Variants in ECPAS observed in about 807,000 individuals in gnomAD.
ECPAS encodes the protein proteasome adapter and scaffold protein ECM29.
A neutral mutation model predicts 255.1 loss-of-function variants in ECPAS; 70 were observed. The observed-to-expected ratio is 0.27, with a 90% CI of 0.23 to 0.33. The LOEUF (loss-of-function observed/expected upper bound fraction) is 0.33. Ranked by LOEUF, ECPAS falls within the 10% of genes least tolerant of loss-of-function variation. The pLI is 1.00. For synonymous variants in ECPAS, 784 were observed against 775.0 expected (o/e 1.01, Z -0.19); for missense variants, 1,817 against 2,206.4 (o/e 0.82, Z 3.54).
chr9:111,394,342 A>G (rs749445058), intron 25 of ECPAS, 37 bp from the exon 26 acceptor site: 1 of 1,466,368 alleles, frequency 6.8e-7, no homozygotes, highest in South Asian at 1.5e-5. Flanking sequence ...AAGAATTAAA[A>G]TAACTCAACA....
At chr9:111,473,503 C>A (rs1010473477) in intron 1 of ECPAS, among the ~76,000 whole-genome samples, 1 of 152,128 alleles carries the variant, frequency 6.6e-6, no homozygotes, top group South Asian at 2.1e-4. Context: ...ATCTTCCTCT[C>A]GCTCTTAAAT....
At chr9:111,400,035 T>G (rs1219349884) in intron 24 of ECPAS, among the ~76,000 whole-genome samples, 3 of 152,112 alleles carry the variant, frequency 2.0e-5, no homozygotes, top group Admixed American at 1.3e-4. Flanking sequence ...TCCCCTAACT[T>G]CAGGCAGCTT....
intron 3 of ECPAS, 67 bp from the exon 4 acceptor site, chr9:111,444,561 C>A: frequency 1.9e-6 from 2 of 1,054,940 alleles, no homozygotes; most frequent in South Asian, 1.4e-5. Context: ...TCTTAAAATT[C>A]ATTTATCAGA....
chr9:111,369,411 T>C (rs1187323292), intron 45 of ECPAS, among the ~76,000 whole-genome samples: 1 of 152,206 alleles, frequency 6.6e-6, no homozygotes, highest in Non-Finnish European at 1.5e-5. Flanking sequence ...AAATACTGCA[T>C]ATGTAGTCTT....
intron 2 of ECPAS, among the ~76,000 whole-genome samples, chr9:111,466,207 G>C (rs948020117): frequency 7.2e-5 from 11 of 152,106 alleles, no homozygotes; most frequent in Admixed American, 2.0e-4. Flanking sequence ...CCAGCATTTT[G>C]GGAGGCCGAG....
intron 2 of ECPAS, among the ~76,000 whole-genome samples, chr9:111,453,055 T>C (rs1324110522): frequency 1.3e-5 from 2 of 151,826 alleles, no homozygotes; most frequent in Non-Finnish European, 2.9e-5. Flanking sequence ...ACCAGCCTGA[T>C]CAACACAGAG....
intron 11 of ECPAS, 38 bp downstream of exon 11, chr9:111,425,705 G>A: frequency 1.6e-6 from 2 of 1,226,294 alleles, no homozygotes; most frequent in Non-Finnish European, 2.4e-6. Flanking sequence ...CATTCCAGCA[G>A]CTTGAAAACT....
intron 23 of ECPAS, 45 bp downstream of exon 23, chr9:111,409,995 AG>A: frequency 6.9e-7 from 1 of 1,447,378 alleles, no homozygotes; most frequent in Non-Finnish European, 9.4e-7. Context: ...ATGTATGCAT[AG>A]AAAGACCGAA....
chr9:111,407,321 G>C (rs2098185637), intron 24 of ECPAS, among the ~76,000 whole-genome samples: 1 of 135,832 alleles, frequency 7.4e-6, no homozygotes. Flanking sequence ...AGAATCGCTT[G>C]AACCCGGGAG....
Position 111,391,792 on chromosome 9 carries a change from A to G in ECPAS, c.3125T>C (p.Val1042Ala), listed in dbSNP as rs1372227004. 6 of 1,609,542 alleles carry G rather than the reference A, an allele frequency of 3.7e-6. No homozygotes were observed. Among genetic ancestry groups the G allele is most frequent in the Non-Finnish European group, 5.1e-6 (6 of 1,177,220 alleles). The change falls in exon 29 of 50, where the codon GTA becomes GCA. Residue 1042 changes from valine to alanine, a missense_variant. Around this residue, in one of 4 missense-constraint regions of ECPAS, gnomAD observed 960 missense variants for 1,179.0 expected, o/e 0.81. Transcript: ENST00000684092. ...VKHEVSGETV[V>A]FQGGALGKTP... ...TTTGCCAAGAGCTCCCCCTTGAAAT[A>G]CCACTGTCTCTCCAGAAACTTCATG...
At chr9:111,414,069 G>T in intron 19 of ECPAS, 83 bp from the exon 20 acceptor site, 1 of 852,730 alleles carries the variant, frequency 1.2e-6, no homozygotes, top group Non-Finnish European at 1.8e-6. Context: ...AAAGTATAAG[G>T]CCACTGCTTT....
At position 111,437,128 on chromosome 9, in the gene ECPAS, T is replaced by C. The variant is rs1302604375; in HGVS notation, c.540-20A>G. The stretch of plus-strand genomic sequence containing the variant: ...ACGTAACTGGAAAGGAAATAACACT[T>C]TAACCCTCTATAAATACAAAAGCAT... On this transcript the variant is annotated intron_variant, in intron 6 of 49. Coordinates refer to ENST00000684092, the MANE Select transcript of ECPAS (RefSeq NM_001364929.1). 6.4e-6 allele frequency: 10 copies of C among 1,566,410 alleles called. No homozygotes were observed. The highest frequency in any genetic ancestry group is 8.6e-6 in the Non-Finnish European group (10 of 1,159,942).
At chr9:111,446,099 C>G (rs2131931538) in intron 3 of ECPAS, among the ~76,000 whole-genome samples, 1 of 152,230 alleles carries the variant, frequency 6.6e-6, no homozygotes, top group African/African-American at 2.4e-5. Context: ...TGGGTTGGTT[C>G]CAAGTCTTTG....
At position 111,386,753 on chromosome 9, in the gene ECPAS, C is replaced by G. The variant is rs554325535; in HGVS notation, c.3448-297G>C. On this transcript the variant is annotated intron_variant, in intron 31 of 49. Transcript: ENST00000684092. ...AAAGCCTTCCATGACTCATCCAGAC[C>G]CAAAAGTACCATATTCTGTCTCACC... Among the ~76,000 whole-genome samples, 3 of 152,310 alleles carry G rather than the reference C, an allele frequency of 2.0e-5. No homozygotes were observed. In the East Asian group the frequency reaches 5.8e-4, roughly 29 times the overall value.
intron 10 of ECPAS, among the ~76,000 whole-genome samples, chr9:111,426,396 T>G (rs1024080273): frequency 5.9e-5 from 9 of 151,922 alleles, no homozygotes; most frequent in Non-Finnish European, 2.9e-5. Flanking sequence ...CTCTATACTC[T>G]TGTTCCTAAA....
At chr9:111,468,628 T>TGAGAGAGAGAGAGA (rs199930694) in intron 2 of ECPAS, among the ~76,000 whole-genome samples, 1 of 139,966 alleles carries the variant, frequency 7.1e-6, no homozygotes, top group African/African-American at 2.6e-5. Flanking sequence ...AGAGAGTGAG[T>TGAGAGAGAGAGAGA]GAGAGAGAGA....
intron 1 of ECPAS, among the ~76,000 whole-genome samples, chr9:111,482,450 G>C (rs1302055081): frequency 6.6e-6 from 1 of 152,206 alleles, no homozygotes; most frequent in Non-Finnish European, 1.5e-5. Context: ...GTATATAAAA[G>C]TGGCTTTAAA....
chr9:111,436,927 C>G lies in ECPAS; in HGVS notation c.708+13G>C. Reference sequence around the variant, plus strand: ...ACAATCAACTACTATTATGAGCAAGCCTTGTGTGATACCTGTTCCAATTGT... The same window carrying G: ...ACAATCAACTACTATTATGAGCAAGGCTTGTGTGATACCTGTTCCAATTGT... On this transcript the variant is annotated intron_variant, in intron 7 of 49. Transcript: ENST00000684092. 1 of 1,588,280 alleles carries G rather than the reference C, an allele frequency of 6.3e-7. No individual in the cohort carries two copies. Among genetic ancestry groups the G allele is most frequent in the East Asian group, 2.3e-5 (1 of 43,938 alleles).
In ECPAS at chr9:111,376,466, A is replaced by C. The variant is rs1407795115; in HGVS notation, c.4020+10T>G. On this transcript the variant is annotated intron_variant, in intron 37 of 49. Transcript: ENST00000684092. The stretch of plus-strand genomic sequence containing the variant: ...AAACAAACCCTCTCATTATTATTTA[A>C]GACACTCACCATGTTGATTGTTTCC... 6.3e-6 allele frequency: 10 copies of C among 1,578,918 alleles called. No homozygotes were observed. Among genetic ancestry groups the C allele is most frequent in the Non-Finnish European group, 5.2e-6 (6 of 1,159,776 alleles).
Sources: gnomAD v4.1 joint callset for allele counts (sites outside exome capture counted in the v4.1 genomes callset) on GRCh38, gnomAD v4.1.1 for gene constraint, gnomAD v4.1.1 regional missense constraint, MANE v1.5 for transcripts, NCBI Gene and HGNC (gene_info 2026-07-23, HGNC 2026-07-21) for gene names.